Variants in APOA1 observed in about 807,000 individuals in gnomAD.
APOA1 encodes the protein apolipoprotein A-I.
Under a neutral mutation model 25.9 loss-of-function variants are expected in APOA1, and 22 were observed. That is an observed-to-expected ratio of 0.85 (90% CI 0.61 to 1.21). The LOEUF is 1.21. APOA1 is among the 50% of genes most tolerant of loss of function. The pLI, the probability that APOA1 is intolerant of heterozygous loss-of-function variation, is 0.00. For missense variants in APOA1, 351 were observed against 347.9 expected (o/e 1.01, Z -0.07); for synonymous variants, 163 against 152.2 (o/e 1.07, Z -0.52).
At chr11:116,837,233 G>A (rs540098122) in intron 2 of APOA1, 76 bp from the exon 3 acceptor site, 2 of 1,581,356 alleles carry the variant, frequency 1.3e-6, no homozygotes, top group South Asian at 1.1e-5. Flanking sequence ...GCTTGGAGGT[G>A]GGGGAGAGGG....
chr11:116,837,133 T>C lies in APOA1; in HGVS notation c.68A>G (p.Gln23Arg), dbSNP rs1941572793. Residue 23 changes from glutamine (Q) to arginine (R), a missense_variant, in exon 3 of 4, where the codon CAG becomes CGG. Gln to Arg is a conservative substitution (Grantham distance 43). Coordinates refer to ENST00000236850, the MANE Select transcript of APOA1 (RefSeq NM_000039.3). ...LTGSQARHFW[Q>R]QDEPPQSPWD... ...GGGGCTCTGGGGGGGTTCATCTTGC[T>C]GCCAGAAATGCCGAGCCTGGCTCCC... 1 of 1,613,012 alleles carries C rather than the reference T, an allele frequency of 6.2e-7. No homozygotes were observed. The highest frequency in any genetic ancestry group is 1.3e-5 in the African/African-American group (1 of 74,922).
At position 116,836,373 on chromosome 11, in the gene APOA1, G is replaced by A; in HGVS notation, c.239C>T (p.Thr80Ile). The change falls in exon 4 of 4, where the codon ACC becomes ATC. Residue 80 changes from threonine to isoleucine, a missense_variant. Thr to Ile is a moderately conservative substitution (Grantham distance 89). Coordinates refer to ENST00000236850, the MANE Select transcript of APOA1 (RefSeq NM_000039.3). ...LLDNWDSVTS[T>I]FSKLREQLGP... ...GAGCTGTTCGCGCAGCTTGCTGAAG[G>A]TGGAGGTCACGCTGTCCCAGTTGTC... The A allele has an allele frequency of 6.2e-7, 1 of 1,614,128 alleles. No homozygotes were observed. The highest frequency in any genetic ancestry group is 8.5e-7 in the Non-Finnish European group (1 of 1,180,046).
chr11:116,836,721 G>A (rs1231922286), intron 3 of APOA1, among the ~76,000 whole-genome samples: 3 of 152,246 alleles, frequency 2.0e-5, no homozygotes, highest in African/African-American at 7.2e-5. Context: ...CAGTCTTGCT[G>A]GGCAGGAGCA....
Position 116,836,157 on chromosome 11 carries a change from TCTTGGAGCTCTGCGCGCAG to T in APOA1, c.436_454del (p.Leu146ArgfsTer14). 1.2e-6 allele frequency: 2 copies of T among 1,613,504 alleles called. No homozygotes were observed. Among genetic ancestry groups the T allele is most frequent in the Non-Finnish European group, 1.7e-6 (2 of 1,180,016 alleles). On this transcript the variant is annotated frameshift_variant, in exon 4 of 4. Coordinates refer to ENST00000236850, the MANE Select transcript of APOA1 (RefSeq NM_000039.3). LOFTEE classifies it high-confidence loss of function. ...CTCGTGCAGCTTCTGGCGCGCGCCC[TCTTGGAGCTCTGCGCGCAG>T]CGGCTCCACCTTCTGGCGGTAGAGC...
chr11:116,837,378 C>T lies in APOA1; in HGVS notation c.10G>A (p.Ala4Thr). The change falls in exon 2 of 4, where the codon GCG (alanine) becomes ACG (threonine). Residue 4 changes from alanine (A) to threonine (T), a missense_variant. Transcript: ENST00000236850. ...AAGAGCACGGCCAAGGTCAGCACCG[C>T]AGCTTTCATCCTGAAGGGCCGTGGG... MKA[A>T]VLTLAVLFLT... 6.4e-7 allele frequency: 1 copy of T among 1,560,670 alleles called. No individual in the cohort carries two copies. Among genetic ancestry groups the T allele is most frequent in the East Asian group, 2.4e-5 (1 of 42,020 alleles).
At position 116,835,817 on chromosome 11, in the gene APOA1, G is replaced by T; in HGVS notation, c.795C>A (p.Asn265Lys). The stretch of plus-strand genomic sequence containing the variant: ...GGCGGCGGCGGGCGCCTCACTGGGT[G>T]TTGAGCTTCTTAGTGTACTCCTCGA... Reference protein sequence around the residue: ...SALEEYTKKLNTQ With the variant: ...SALEEYTKKLKTQ The change falls in exon 4 of 4, where the codon AAC (asparagine) becomes AAA (lysine). Residue 265 changes from asparagine (N) to lysine (K), a missense_variant. Asn to Lys is a moderately conservative substitution (Grantham distance 94, BLOSUM62 0). Transcript: ENST00000236850. 6.2e-7 allele frequency: 1 copy of T among 1,613,122 alleles called. No individual in the cohort carries two copies. Among genetic ancestry groups the T allele is most frequent in the Non-Finnish European group, 8.5e-7 (1 of 1,180,032 alleles).
Position 116,836,404 on chromosome 11 carries a change from G to A in APOA1, c.208C>T (p.Leu70Phe). The A allele has an allele frequency of 6.2e-7, 1 of 1,613,818 alleles. No individual in the cohort carries two copies. The highest frequency in any genetic ancestry group is 1.1e-5 in the South Asian group (1 of 91,080). The change falls in exon 4 of 4, where the codon CTC (leucine) becomes TTC (phenylalanine). Residue 70 changes from leucine to phenylalanine, a missense_variant. Leu to Phe is a conservative substitution (Grantham distance 22, BLOSUM62 0). Transcript: ENST00000236850. ...SALGKQLNLK[L>F]LDNWDSVTST... ...GTCACGCTGTCCCAGTTGTCAAGGA[G>A]CTTTAGGCTGGAGGGTGAGACAGAA...
Position 116,836,165 on chromosome 11 carries a change from C to A in APOA1, c.447G>T (p.Glu149Asp). ...YRQKVEPLRAELQEGARQKLH... is the reference protein window; with the variant it reads ...YRQKVEPLRADLQEGARQKLH... Reference sequence around the variant, plus strand: ...GCTTCTGGCGCGCGCCCTCTTGGAGCTCTGCGCGCAGCGGCTCCACCTTCT... The same window carrying A: ...GCTTCTGGCGCGCGCCCTCTTGGAGATCTGCGCGCAGCGGCTCCACCTTCT... The change falls in exon 4 of 4, where the codon GAG becomes GAT. Residue 149 changes from glutamate (E) to aspartate (D), a missense_variant. By Grantham distance (45) the Glu-to-Asp change is conservative. Coordinates refer to ENST00000236850, the MANE Select transcript of APOA1 (RefSeq NM_000039.3). 6.2e-7 allele frequency: 1 copy of A among 1,613,614 alleles called. No homozygotes were observed. Among genetic ancestry groups the A allele is most frequent in the Non-Finnish European group, 8.5e-7 (1 of 1,180,034 alleles).
Position 116,836,346 on chromosome 11 carries a change from C to T in APOA1, c.266G>A (p.Gly89Asp). 1 of 1,614,166 alleles carries T rather than the reference C, an allele frequency of 6.2e-7. No homozygotes were observed. Among genetic ancestry groups the T allele is most frequent in the East Asian group, 2.2e-5 (1 of 44,882 alleles). ...STFSKLREQL[G>D]PVTQEFWDNL... Reference sequence around the variant, plus strand: ...ATCCCAGAACTCCTGGGTCACAGGGCCGAGCTGTTCGCGCAGCTTGCTGAA... The same window carrying T: ...ATCCCAGAACTCCTGGGTCACAGGGTCGAGCTGTTCGCGCAGCTTGCTGAA... Residue 89 changes from glycine to aspartate, a missense_variant, in exon 4 of 4, where the codon GGC (glycine) becomes GAC (aspartate). By Grantham distance (94) the Gly-to-Asp change is moderately conservative (BLOSUM62 -1). Coordinates refer to ENST00000236850, the MANE Select transcript of APOA1 (RefSeq NM_000039.3).
At position 116,835,880 on chromosome 11, in the gene APOA1, G is replaced by C. The variant is rs5080; in HGVS notation, c.732C>G (p.Pro244=). 6.9e-4 allele frequency: 1,109 copies of C among 1,613,250 alleles called. 7 individuals are homozygous for C. The African/African-American group carries it at 0.011, about 16-fold the overall frequency. ...AGCTGACCTTGAAGCTCTCCAGCACGGGCAGCAGGCCTTGGCGGAGGTCCT... is the reference window on the plus strand; with the variant it reads ...AGCTGACCTTGAAGCTCTCCAGCACCGGCAGCAGGCCTTGGCGGAGGTCCT... ...ALEDLRQGLL[P]VLESFKVSFL... Residue 244 remains proline (P), a synonymous_variant, in exon 4 of 4, where the codon CCC becomes CCG. Transcript: ENST00000236850.
chr11:116,836,839 C>T lies in APOA1; in HGVS notation c.200+162G>A, dbSNP rs1222815642. Among the ~76,000 whole-genome samples, 5 of 152,232 alleles carry T rather than the reference C, an allele frequency of 3.3e-5. No individual in the cohort carries two copies. The East Asian group carries it at 9.6e-4, about 29-fold the overall frequency. Reference sequence around the variant, plus strand: ...GTCTGTCCTTTGCAGGGGACATGGGCTGTGACCCTGCCTGGAGATCCCATT... The same window carrying T: ...GTCTGTCCTTTGCAGGGGACATGGGTTGTGACCCTGCCTGGAGATCCCATT... On this transcript the variant is annotated intron_variant, in intron 3 of 3. Coordinates refer to ENST00000236850, the MANE Select transcript of APOA1 (RefSeq NM_000039.3).
intron 2 of APOA1, 41 bp from the exon 3 acceptor site, chr11:116,837,198 G>C (rs368387223): frequency 4.4e-6 from 7 of 1,608,402 alleles, no homozygotes; most frequent in East Asian, 2.2e-5. Flanking sequence ...CCAGCTGTGG[G>C]CTGAGATCTG....
At chr11:116,837,463 G>A (rs771979828) in intron 1 of APOA1, 56 bp from the exon 2 acceptor site, 19 of 1,511,276 alleles carry the variant, frequency 1.3e-5, no homozygotes, top group Non-Finnish European at 1.6e-5. Context: ...CAGAAGCCCC[G>A]TGCTCCCCCA....
In APOA1 at chr11:116,837,058, T is replaced by G. The variant is rs1941569247; in HGVS notation, c.143A>C (p.Asp48Ala). 1 of 1,614,194 alleles carries G rather than the reference T, an allele frequency of 6.2e-7. No homozygotes were observed. Among genetic ancestry groups the G allele is most frequent in the East Asian group, 2.2e-5 (1 of 44,878 alleles). ...CTGGGACACATAGTCTCTGCCGCTG[T>G]CTTTGAGCACATCCACGTACACAGT... ...LATVYVDVLKDSGRDYVSQFE... is the reference protein window; with the variant it reads ...LATVYVDVLKASGRDYVSQFE... Residue 48 changes from aspartate (D) to alanine (A), a missense_variant, in exon 3 of 4, where the codon GAC becomes GCC. By Grantham distance (126) the Asp-to-Ala change is moderately radical (BLOSUM62 -2). Transcript: ENST00000236850.
At chr11:116,837,190 A>G in intron 2 of APOA1, 33 bp from the exon 3 acceptor site, 2 of 1,608,942 alleles carry the variant, frequency 1.2e-6, no homozygotes, top group South Asian at 2.2e-5. Flanking sequence ...AGATCAGGCC[A>G]GCTGTGGGCT....
At chr11:116,837,439 G>T in intron 1 of APOA1, 32 bp from the exon 2 acceptor site, 1 of 1,549,278 alleles carries the variant, frequency 6.5e-7, no homozygotes, top group Non-Finnish European at 8.7e-7. Context: ...GCTGAGTGGG[G>T]TGCCTTCAGC....
chr11:116,837,167 G>A lies in APOA1; in HGVS notation c.44-10C>T. ...TGCCGAGCCTGGCTCCCTGAGGGTG[G>A]GAGGGGAGACCCAGATCAGGCCAGC... On this transcript the variant is annotated splice_polypyrimidine_tract_variant and intron_variant, in intron 2 of 3. Transcript: ENST00000236850. 4 of 1,610,534 alleles carry A rather than the reference G, an allele frequency of 2.5e-6. No individual in the cohort carries two copies. The highest frequency in any genetic ancestry group is 2.5e-6 in the Non-Finnish European group (3 of 1,177,864).
chr11:116,836,906 A>G lies in APOA1; in HGVS notation c.200+95T>C. ...GACCATCTGTGGGGCCCAGCTCATC[A>G]GATATTAGGTGAGGACTCGGCCAGT... is the stretch of plus-strand genomic sequence containing the variant. On this transcript the variant is annotated intron_variant, in intron 3 of 3. Coordinates refer to ENST00000236850, the MANE Select transcript of APOA1 (RefSeq NM_000039.3). 4 of 1,370,964 alleles carry G rather than the reference A, an allele frequency of 2.9e-6. No homozygotes were observed. In the Admixed American group the frequency reaches 6.7e-5, roughly 23 times the overall value. The allele number at this position is 1,370,964 out of a possible 1,614,324, so 84.9% of individuals were successfully genotyped here. A position where few individuals can be genotyped will look rare whatever the true frequency, so the allele number is the denominator to read the frequency against.
At position 116,837,025 on chromosome 11, in the gene APOA1, C is replaced by G. The variant is rs775559386; in HGVS notation, c.176G>C (p.Gly59Ala). Residue 59 changes from glycine (G) to alanine (A), a missense_variant, in exon 3 of 4, where the codon GGC becomes GCC. Gly to Ala is a moderately conservative substitution (Grantham distance 60). Transcript: ENST00000236850. Reference sequence around the variant, plus strand: ...CTTTAGCTGTTTTCCCAAGGCGGAGCCTTCAAACTGGGACACATAGTCTCT... The same window carrying G: ...CTTTAGCTGTTTTCCCAAGGCGGAGGCTTCAAACTGGGACACATAGTCTCT... ...SGRDYVSQFE[G>A]SALGKQLNLK... 2.5e-6 allele frequency: 4 copies of G among 1,614,206 alleles called. No individual in the cohort carries two copies. Among genetic ancestry groups the G allele is most frequent in the Middle Eastern group, 1.6e-4 (1 of 6,062 alleles).
Sources: allele counts gnomAD v4.1 joint callset (sites outside exome capture counted in the v4.1 genomes callset), GRCh38; gene constraint gnomAD v4.1.1; transcripts MANE v1.5; gene names NCBI Gene and HGNC (gene_info 2026-07-23, HGNC 2026-07-21).